The following MINDY4 variants were observed in gnomAD, a reference collection of about 807,000 sequenced individuals.
MINDY4 encodes probable ubiquitin carboxyl-terminal hydrolase MINDY-4.
A neutral mutation model predicts 87.0 loss-of-function variants in MINDY4; 68 were observed. The observed-to-expected ratio is 0.78, with a 90% CI of 0.64 to 0.96. The LOEUF is 0.96. MINDY4 is among the 40% of genes least tolerant of loss of function. The pLI is 0.00. For missense variants in MINDY4, 919 were observed against 928.2 expected, an observed-to-expected ratio of 0.99 and a Z score of 0.13; for synonymous variants, 379 against 363.2, an observed-to-expected ratio of 1.04 and a Z score of -0.50.
chr7:30,778,240 C>A (rs1786887346), intron 1 of MINDY4, among the ~76,000 whole-genome samples, 192 bp from the exon 2 acceptor site: 1 of 152,214 alleles, frequency 6.6e-6, no homozygotes, highest in East Asian at 1.9e-4. Flanking sequence ...GGCCTGAAAA[C>A]TTCAGCCTTC....
chr7:30,858,177 G>T (rs1789634769), intron 12 of MINDY4: 1 of 152,198 alleles, frequency 6.6e-6, no homozygotes. Flanking sequence ...TGAAGGTGGG[G>T]ATGGTGTTTC....
At chr7:30,863,234 A>T (rs1363173790) in intron 13 of MINDY4, among the ~76,000 whole-genome samples, 1 of 152,242 alleles carries the variant, frequency 6.6e-6, no homozygotes, top group Non-Finnish European at 1.5e-5. Flanking sequence ...GGTAGCAAAA[A>T]GAGACAGCTG....
chr7:30,803,610 A>T (rs1219797768), intron 5 of MINDY4, among the ~76,000 whole-genome samples: 3 of 152,036 alleles, frequency 2.0e-5, no homozygotes, highest in African/African-American at 4.8e-5. Context: ...GGCAGGGGGC[A>T]GTCTTATTCT....
At position 30,875,402 on chromosome 7, in the gene MINDY4, T is replaced by C. The variant is rs959633713; in HGVS notation, c.1810-93T>C. The C allele has an allele frequency of 7.2e-6, 10 of 1,396,134 alleles. No individual in the cohort carries two copies. The African/African-American group carries it at 1.1e-4, about 16-fold the overall frequency. The allele number at this position is 1,396,134 out of a possible 1,614,324, so 86.5% of individuals were successfully genotyped here. On this transcript the variant is annotated intron_variant, in intron 14 of 17. Coordinates refer to ENST00000265299, the MANE Select transcript of MINDY4 (RefSeq NM_032222.3). ...TCTCTCCCTCCTTGCTTTCCTTCCT[T>C]CTCCACCCTTTTTGTCTTTCCCCAG...
intron 17 of MINDY4, among the ~76,000 whole-genome samples, chr7:30,890,782 G>A (rs1393111555): frequency 6.6e-6 from 1 of 152,140 alleles, no homozygotes. Flanking sequence ...TTTAGGCTAT[G>A]TCATAAACAT....
intron 13 of MINDY4, 88 bp downstream of exon 13, chr7:30,859,412 C>A: frequency 7.9e-7 from 1 of 1,269,320 alleles, no homozygotes; most frequent in Non-Finnish European, 1.1e-6. Flanking sequence ...TGGTGCTTGG[C>A]ACATGTTGAG....
intron 6 of MINDY4, among the ~76,000 whole-genome samples, chr7:30,830,150 A>G: frequency 6.6e-6 from 1 of 152,338 alleles, no homozygotes; most frequent in Middle Eastern, 3.4e-3. Flanking sequence ...CCTCCACCCC[A>G]GTTCATTTTA....
intron 5 of MINDY4, among the ~76,000 whole-genome samples, chr7:30,811,901 G>A (rs1788011514): frequency 6.6e-6 from 1 of 152,178 alleles, no homozygotes; most frequent in Non-Finnish European, 1.5e-5. Context: ...CGTGAGTCTT[G>A]CCAAAGCTCC....
At chr7:30,794,887 G>A (rs1361992017) in intron 5 of MINDY4, among the ~76,000 whole-genome samples, 1 of 152,024 alleles carries the variant, frequency 6.6e-6, no homozygotes, top group Non-Finnish European at 1.5e-5. Context: ...TGCGGGCGGG[G>A]GCCTTTCTCT....
chr7:30,866,402 A>C (rs1432736953), intron 13 of MINDY4, among the ~76,000 whole-genome samples: 1 of 152,126 alleles, frequency 6.6e-6, no homozygotes, highest in Non-Finnish European at 1.5e-5. Flanking sequence ...AGCTCCTGGA[A>C]GCTGTTCACC....
Position 30,877,822 on chromosome 7 carries a change from CTTTTTTTTTTTTTT to C in MINDY4, c.1971+2189_1971+2202del, listed in dbSNP as rs60164229. Among the ~76,000 whole-genome samples, 201 of 47,538 alleles carry C rather than the reference CTTTTTTTTTTTTTT, an allele frequency of 4.2e-3. 5 individuals are homozygous for C. The highest frequency in any genetic ancestry group is 0.012 in the African/African-American group (171 of 14,854). 31.2% of individuals were successfully genotyped at this position (47,538 alleles called of 152,430 possible). Reference sequence around the variant, plus strand: ...GAGTAGCTGGGATTACAGGGACATGCTTTTTTTTTTTTTTTTTTTTTTTTTTTTTTTTTTTTAAG... The same window carrying C: ...GAGTAGCTGGGATTACAGGGACATGCTTTTTTTTTTTTTTTTTTTTTTAAG... On this transcript the variant is annotated intron_variant, in intron 15 of 17. Transcript: ENST00000265299.
chr7:30,881,275 G>A (rs1790456737), intron 15 of MINDY4, among the ~76,000 whole-genome samples: 1 of 152,210 alleles, frequency 6.6e-6, no homozygotes, highest in Admixed American at 6.5e-5. Context: ...TCTTCCCATT[G>A]TAGTCAAGAT....
intron 9 of MINDY4, among the ~76,000 whole-genome samples, chr7:30,844,040 G>A (rs565969769): frequency 6.6e-6 from 1 of 152,178 alleles, no homozygotes; most frequent in Non-Finnish European, 1.5e-5. Flanking sequence ...GTAGGAGAGT[G>A]ACCTCGCTTT....
intron 17 of MINDY4, among the ~76,000 whole-genome samples, chr7:30,883,337 G>A (rs78584581): frequency 2.6e-5 from 4 of 152,202 alleles, no homozygotes; most frequent in Non-Finnish European, 5.9e-5. Context: ...CAGGACAGGG[G>A]TGCTTACCTG....
intron 3 of MINDY4, among the ~76,000 whole-genome samples, chr7:30,783,670 A>C (rs1787069962): frequency 6.6e-6 from 1 of 152,190 alleles, no homozygotes; most frequent in African/African-American, 2.4e-5. Context: ...TGTTTTCAAA[A>C]TCTCTGCTGT....
In MINDY4 at chr7:30,846,846, C is replaced by T. The variant is rs150562111; in HGVS notation, c.1446-3608C>T. 8.4e-4 allele frequency among the ~76,000 whole-genome samples: 128 copies of T among 152,312 alleles called. 1 individual carries two copies. Among genetic ancestry groups the T allele is most frequent in the African/African-American group, 3.0e-3 (125 of 41,558 alleles). ...CATAAGGAGCGCGCAACCTAGATCC[C>T]TCGCATGCACAATTCACAATAGGGT... On this transcript the variant is annotated intron_variant, in intron 9 of 17. Coordinates refer to ENST00000265299, the MANE Select transcript of MINDY4 (RefSeq NM_032222.3).
intron 7 of MINDY4, among the ~76,000 whole-genome samples, chr7:30,837,499 T>C (rs1027286098): frequency 5.3e-5 from 8 of 152,058 alleles, no homozygotes; most frequent in Admixed American, 3.3e-4. Flanking sequence ...TTTCTAGAGG[T>C]TTTGTCCTTT....
chr7:30,791,926 A>G (rs992210672), intron 5 of MINDY4, among the ~76,000 whole-genome samples: 1 of 152,230 alleles, frequency 6.6e-6, no homozygotes, highest in Non-Finnish European at 1.5e-5. Flanking sequence ...AAGAAAGTTT[A>G]TGAATTTGTG....
intron 12 of MINDY4, among the ~76,000 whole-genome samples, chr7:30,856,115 A>G (rs890429964): frequency 6.6e-6 from 1 of 151,932 alleles, no homozygotes; most frequent in South Asian, 2.1e-4. Context: ...TCTGCCTCCC[A>G]TTGGAGTTCC....
Sources: allele counts gnomAD v4.1 joint callset (sites outside exome capture counted in the v4.1 genomes callset), GRCh38; gene constraint gnomAD v4.1.1; transcripts MANE v1.5; gene names NCBI Gene and HGNC (gene_info 2026-07-23, HGNC 2026-07-21).